Variants in RORC observed in about 807,000 individuals in gnomAD.
The protein encoded by RORC is nuclear receptor ROR-gamma.
RORC carries 13 observed loss-of-function variants against 64.5 expected under a neutral mutation model. The ratio of observed to expected loss-of-function variants is 0.20; its 90% CI spans 0.13 to 0.32. RORC has a LOEUF of 0.32. Ranked by LOEUF, RORC falls within the 10% of genes least tolerant of loss-of-function variation. The probability of loss-of-function intolerance (pLI) is 1.00; values close to 1 mark genes in which losing one functional copy is unlikely to be tolerated. For synonymous variants in RORC, 277 were observed against 259.3 expected, an observed-to-expected ratio of 1.07 and a Z score of -0.65; for missense variants, 468 against 669.5, an observed-to-expected ratio of 0.70 and a Z score of 3.32.
At position 151,807,494 on chromosome 1, in the gene RORC, G is replaced by C. The variant is rs1420634082; in HGVS notation, c.1535C>G (p.Ser512Ter). 3 of 1,614,232 alleles carry C rather than the reference G, an allele frequency of 1.9e-6. No homozygotes were observed. Among genetic ancestry groups the C allele is most frequent in the Non-Finnish European group, 2.5e-6 (3 of 1,180,030 alleles). ...AGGTCACTTGGACAGCCCCACAGGT[G>C]ACTCGGTTTCAGTGCTGAAGAGCTC... Reference protein sequence around the residue: ...YKELFSTETESPVGLSK With the variant: ...YKELFSTETE The change falls in exon 11 of 11, where the codon TCA (serine) becomes TGA (stop). Residue 512 changes from serine to a stop codon, truncating the protein, a stop_gained. Coordinates refer to ENST00000318247, the MANE Select transcript of RORC (RefSeq NM_005060.4). LOFTEE classifies it high-confidence loss of function. This position sits in a 1 kb window ranked among gnomAD's most constrained non-coding sequence, Gnocchi z 5.0.
Position 151,809,124 on chromosome 1 carries a change from T to C in RORC, c.1396-1491A>G, listed in dbSNP as rs1444590507. Among the ~76,000 whole-genome samples the C allele has an allele frequency of 2.6e-5, 4 of 152,164 alleles. No homozygotes were observed. The East Asian group carries it at 7.7e-4, about 29-fold the overall frequency. ...GCTGAGAACAGGAGTCAAGGCCAGG[T>C]GTGGTGGTTCACGCCTGTAATCCCA... On this transcript the variant is annotated intron_variant, in intron 10 of 10. Coordinates refer to ENST00000318247, the MANE Select transcript of RORC (RefSeq NM_005060.4).
intron 2 of RORC, among the ~76,000 whole-genome samples, chr1:151,823,831 G>A (rs1187241400): frequency 6.6e-6 from 1 of 152,158 alleles, no homozygotes; most frequent in Non-Finnish European, 1.5e-5. Flanking sequence ...TTTTTGTAGG[G>A]ACAGCGGCTC....
At position 151,807,079 on chromosome 1, in the gene RORC, T is replaced by G. The variant is rs529631335; in HGVS notation, c.*393A>C. 9 of 169,738 alleles carry G rather than the reference T, an allele frequency of 5.3e-5. No individual in the cohort carries two copies. In the East Asian group the frequency reaches 9.6e-4, roughly 18 times the overall value. The allele number at this position is 169,738 out of a possible 1,614,324, so 10.5% of individuals were successfully genotyped here. ...TGCAATGAGGTATTTCAAAGGCTTATTCTTAGCTTCTGAGCTTCTGAATGA... is the reference window on the plus strand; with the variant it reads ...TGCAATGAGGTATTTCAAAGGCTTAGTCTTAGCTTCTGAGCTTCTGAATGA... On this transcript the variant is annotated 3_prime_UTR_variant, in exon 11 of 11. Transcript: ENST00000318247. This position sits in a 1 kb window ranked among gnomAD's most constrained non-coding sequence, Gnocchi z 5.0.
chr1:151,809,732 T>A (rs112567420), intron 10 of RORC, among the ~76,000 whole-genome samples: 4 of 152,346 alleles, frequency 2.6e-5, no homozygotes, highest in African/African-American at 9.6e-5. Flanking sequence ...TTCAAGTTCT[T>A]GAGAGCACAG....
intron 10 of RORC, among the ~76,000 whole-genome samples, chr1:151,808,225 C>G (rs922162320): frequency 6.6e-6 from 1 of 152,216 alleles, no homozygotes; most frequent in Non-Finnish European, 1.5e-5. Flanking sequence ...ATGCTTAGCA[C>G]ATGGCACATG....
At chr1:151,824,449 C>G (rs1408817764) in intron 2 of RORC, among the ~76,000 whole-genome samples, 2 of 152,182 alleles carry the variant, frequency 1.3e-5, no homozygotes, top group African/African-American at 4.8e-5. Context: ...CTGGGAAGAC[C>G]AGTCTGCCAG....
intron 2 of RORC, among the ~76,000 whole-genome samples, chr1:151,824,536 G>C (rs1652117026): frequency 6.6e-6 from 1 of 152,170 alleles, no homozygotes; most frequent in Non-Finnish European, 1.5e-5. Flanking sequence ...AGAAGCTGTT[G>C]GCTCTTCTCT....
chr1:151,814,883 A>G (rs201835361), intron 5 of RORC, 30 bp downstream of exon 5: 6 of 1,599,578 alleles, frequency 3.8e-6, no homozygotes, highest in Non-Finnish European at 5.1e-6. Context: ...CCTCATCTCT[A>G]CCACCCTCTC....
At chr1:151,820,014 T>C (rs138623199) in intron 2 of RORC, among the ~76,000 whole-genome samples, 2 of 152,172 alleles carry the variant, frequency 1.3e-5, no homozygotes, top group African/African-American at 4.8e-5. Context: ...AACAGAGACA[T>C]AGATCTAGGG....
chr1:151,823,804 C>A (rs150371663), intron 2 of RORC, among the ~76,000 whole-genome samples: 201 of 152,206 alleles, frequency 1.3e-3, no homozygotes, highest in African/African-American at 3.7e-3. Context: ...CCATGCCCAG[C>A]GAATTAAAAA....
intron 2 of RORC, among the ~76,000 whole-genome samples, chr1:151,825,753 G>C (rs1323021745): frequency 6.6e-6 from 1 of 152,114 alleles, no homozygotes; most frequent in East Asian, 1.9e-4. Flanking sequence ...TCAGGGAGCC[G>C]CCTGGCCAGC....
rs61754474 is a variant in RORC, at chr1:151,813,564, G to A, written c.990C>T (p.Tyr330=). ...AGAGCCTCTTGGCGAACTCCACCAC[G>A]TACTGAATGGCCTCGGTGAGGTGGT... ...CAHHLTEAIQ[Y]VVEFAKRLSG... The change falls in exon 7 of 11, where the codon TAC becomes TAT. Residue 330 remains tyrosine (Y), a synonymous_variant. Coordinates refer to ENST00000318247, the MANE Select transcript of RORC (RefSeq NM_005060.4). 2.2e-3 allele frequency: 3,589 copies of A among 1,614,098 alleles called. 3 individuals carry two copies. Among genetic ancestry groups the A allele is most frequent in the Non-Finnish European group, 2.6e-3 (3,046 of 1,179,974 alleles).
chr1:151,827,526 G>T (rs1342285632), intron 2 of RORC, among the ~76,000 whole-genome samples: 1 of 152,098 alleles, frequency 6.6e-6, no homozygotes, highest in Non-Finnish European at 1.5e-5. Context: ...AGTTCCCCCG[G>T]GTTCCCCATC....
rs953182380 is a variant in RORC, at chr1:151,813,609, C to G, written c.945G>C (p.Glu315Asp). The G allele has an allele frequency of 6.2e-7, 1 of 1,614,096 alleles. No individual in the cohort carries two copies. The highest frequency in any genetic ancestry group is 1.3e-5 in the African/African-American group (1 of 74,944). ...GGTGGTGGGCACACCGTTCCCACAT[C>G]TCCCACATGGACTGCAGGGAGGGAG... ...VTGYQRKSMWEMWERCAHHLT... is the reference protein window; with the variant it reads ...VTGYQRKSMWDMWERCAHHLT... Residue 315 changes from glutamate to aspartate, a missense_variant, in exon 7 of 11, where the codon GAG (glutamate) becomes GAC (aspartate). Physicochemically the swap from Glu to Asp is conservative, Grantham distance 45. Around this residue, in one of 5 missense-constraint regions of RORC, gnomAD observed 100 missense variants for 190.8 expected, o/e 0.52. Transcript: ENST00000318247.
Position 151,807,405 on chromosome 1 carries a change from G to A in RORC, c.*67C>T, listed in dbSNP as rs1242072748. 10 of 1,517,020 alleles carry A rather than the reference G, an allele frequency of 6.6e-6. No individual in the cohort carries two copies. Among genetic ancestry groups the A allele is most frequent in the African/African-American group, 1.4e-5 (1 of 72,990 alleles). 94.0% of individuals were successfully genotyped at this position (1,517,020 alleles called of 1,614,324 possible). ...GTTCATGGGAAAGGAAAAGGGTGAG[G>A]GTGGAACGGGGTCCAGGGAGGTGGG... On this transcript the variant is annotated 3_prime_UTR_variant, in exon 11 of 11. Coordinates refer to ENST00000318247, the MANE Select transcript of RORC (RefSeq NM_005060.4). This position sits in a 1 kb window ranked among gnomAD's most constrained non-coding sequence, Gnocchi z 5.0.
intron 9 of RORC, chr1:151,812,605 G>A (rs980131124): frequency 1.5e-5 from 3 of 201,066 alleles, no homozygotes; most frequent in African/African-American, 7.0e-5. Context: ...GGCAGCAATA[G>A]TTTTTAAAGC....
chr1:151,819,545 C>A (rs2101665554), intron 2 of RORC, among the ~76,000 whole-genome samples: 1 of 152,254 alleles, frequency 6.6e-6, no homozygotes, highest in East Asian at 1.9e-4. Flanking sequence ...ACGTGGGCCA[C>A]CCAAAAAAGT....
chr1:151,813,199 G>A (rs772279778), intron 8 of RORC, 40 bp downstream of exon 8: 18 of 1,571,000 alleles, frequency 1.1e-5, no homozygotes, highest in Non-Finnish European at 3.5e-6. Flanking sequence ...GCCTGGGGTT[G>A]GCATCAGAAT....
intron 10 of RORC, among the ~76,000 whole-genome samples, chr1:151,809,236 TA>T (rs35631094): frequency 0.5 from 75,149 of 151,590 alleles, 19,286 homozygotes; most frequent in Non-Finnish European, 0.58. Context: ...CTGTCTCTAC[TA>T]AAAATACAAA....
Sources: gnomAD v4.1 joint callset for allele counts (sites outside exome capture counted in the v4.1 genomes callset) on GRCh38, gnomAD v4.1.1 for gene constraint, gnomAD v4.1.1 regional missense constraint, Gnocchi (gnomAD v3.1) non-coding constraint, MANE v1.5 for transcripts, NCBI Gene and HGNC (gene_info 2026-07-23, HGNC 2026-07-21) for gene names.